IRAG1: variants seen among roughly 807,000 people sequenced by gnomAD.
IRAG1 encodes the protein inositol 1,4,5-triphosphate receptor associated 1, also known as IP3R-associated cGMP kinase substrate.
In IRAG1, 62 loss-of-function variants were observed where a neutral mutation model predicts 106.2. The observed-to-expected ratio is 0.58, with a 90% confidence interval of 0.48 to 0.72. IRAG1 has a LOEUF of 0.72. Among genes scored for constraint, IRAG1 ranks in the 30% least tolerant of loss-of-function variants. IRAG1 has a pLI of 0.00. For missense variants in IRAG1, 1,064 were observed against 1,140.7 expected (o/e 0.93, Z 0.97); for synonymous variants, 462 against 443.9 (o/e 1.04, Z -0.51).
chr11:10,627,054 TG>T (rs1336704595), intron 8 of IRAG1, among the ~76,000 whole-genome samples: 5 of 152,188 alleles, frequency 3.3e-5, no homozygotes, highest in African/African-American at 1.2e-4. Flanking sequence ...GATCATTGGA[TG>T]GGGTGATTCT....
intron 1 of IRAG1, chr11:10,687,878 G>A (rs531088327): frequency 2.8e-5 from 29 of 1,035,666 alleles, no homozygotes; most frequent in Non-Finnish European, 3.6e-5. Flanking sequence ...CTTTTTTTTG[G>A]GGGGGGGTGG....
chr11:10,629,514 C>T (rs1451472371), intron 5 of IRAG1, 24 bp downstream of exon 5: 2 of 1,606,060 alleles, frequency 1.2e-6, no homozygotes, highest in African/African-American at 1.3e-5. Context: ...TCAGGGCAGC[C>T]ACCTGTACAT....
intron 15 of IRAG1, among the ~76,000 whole-genome samples, chr11:10,596,418 T>C (rs546058392): frequency 1.3e-5 from 2 of 152,368 alleles, no homozygotes; most frequent in South Asian, 4.1e-4. Flanking sequence ...GTAAGTAATC[T>C]TCTCTTTGAT....
At chr11:10,676,337 G>T (rs1860666972) in intron 1 of IRAG1, among the ~76,000 whole-genome samples, 1 of 152,178 alleles carries the variant, frequency 6.6e-6, no homozygotes, top group Non-Finnish European at 1.5e-5. Flanking sequence ...TCAGTGCTTT[G>T]GGGGGCAGCT....
intron 1 of IRAG1, among the ~76,000 whole-genome samples, chr11:10,680,512 AAAGAAAGG>A (rs71034779): frequency 1.1e-4 from 14 of 131,800 alleles, no homozygotes; most frequent in South Asian, 4.9e-4. Flanking sequence ...AGAAAGGGAA[AAAGAAAGG>A]AAGAAAGGAA....
chr11:10,586,742 C>T lies in IRAG1; in HGVS notation c.2241-4756G>A, dbSNP rs139847578. Among the ~76,000 whole-genome samples, 30 of 152,220 alleles carry T rather than the reference C, an allele frequency of 2.0e-4. No individual in the cohort carries two copies. The South Asian group carries it at 4.6e-3, about 23-fold the overall frequency. On this transcript the variant is annotated intron_variant, in intron 18 of 20. Coordinates refer to ENST00000423302, the MANE Select transcript of IRAG1 (RefSeq NM_130385.4). Reference sequence around the variant, plus strand: ...CCTCTCTCTCCCTTTATGCTGCCACCGCACCTCTGTGACAGCATGACTCAC... The same window carrying T: ...CCTCTCTCTCCCTTTATGCTGCCACTGCACCTCTGTGACAGCATGACTCAC...
chr11:10,661,808 C>T (rs1233543084), intron 1 of IRAG1, among the ~76,000 whole-genome samples: 1 of 152,158 alleles, frequency 6.6e-6, no homozygotes. Flanking sequence ...TGCAAAGGCC[C>T]TTTTGCCATT....
intron 10 of IRAG1, among the ~76,000 whole-genome samples, chr11:10,612,065 C>T (rs1430906296): frequency 6.6e-6 from 1 of 152,180 alleles, no homozygotes; most frequent in East Asian, 1.9e-4. Flanking sequence ...AAACACGTCC[C>T]TCTGAAGGAG....
chr11:10,690,262 C>T (rs1861959376), intron 1 of IRAG1: 1 of 484,312 alleles, frequency 2.1e-6, no homozygotes, highest in Non-Finnish European at 3.4e-6. Flanking sequence ...TGGTGGTACT[C>T]ACCTGTAATC....
At chr11:10,603,637 C>A (rs536979497) in intron 13 of IRAG1, among the ~76,000 whole-genome samples, 36 of 152,186 alleles carry the variant, frequency 2.4e-4, no homozygotes, top group African/African-American at 8.2e-4. Flanking sequence ...GACCACTGGG[C>A]TAAATGTCTG....
rs777258611 is a variant in IRAG1, at chr11:10,574,512, C to T, written c.*1820G>A. On this transcript the variant is annotated 3_prime_UTR_variant, in exon 21 of 21. Coordinates refer to ENST00000423302, the MANE Select transcript of IRAG1 (RefSeq NM_130385.4). ...AGGTCAATAATAATAATGTTTAAAA[C>T]GTGCCAGAAAGCACAGAGGAGTGTG... The T allele has an allele frequency of 1.4e-4, 21 of 152,146 alleles. No homozygotes were observed. The highest frequency in any genetic ancestry group is 4.6e-4 in the African/African-American group (19 of 41,488). 9.4% of individuals were successfully genotyped at this position (152,146 alleles called of 1,614,324 possible).
chr11:10,681,186 A>AG (rs1210363185), intron 1 of IRAG1, among the ~76,000 whole-genome samples: 1 of 152,152 alleles, frequency 6.6e-6, no homozygotes, highest in Non-Finnish European at 1.5e-5. Flanking sequence ...CTACTCCTGT[A>AG]GGGCATACTC....
chr11:10,639,008 G>T (rs752840646), intron 2 of IRAG1, among the ~76,000 whole-genome samples: 16 of 152,116 alleles, frequency 1.1e-4, no homozygotes, highest in African/African-American at 3.6e-4. Flanking sequence ...TGCAACCTCC[G>T]CCTCCCGGTC....
chr11:10,597,468 G>T (rs561253060), intron 15 of IRAG1, among the ~76,000 whole-genome samples: 1 of 152,234 alleles, frequency 6.6e-6, no homozygotes, highest in African/African-American at 2.4e-5. Flanking sequence ...TAGAACTACA[G>T]GTGCCCACCA....
intron 13 of IRAG1, among the ~76,000 whole-genome samples, 195 bp downstream of exon 13, chr11:10,604,210 C>T (rs1361654980): frequency 1.3e-5 from 2 of 152,258 alleles, no homozygotes; most frequent in Non-Finnish European, 2.9e-5. Context: ...GACCTGTCCA[C>T]AGCCCTGAGG....
chr11:10,612,698 A>C (rs947945325), intron 10 of IRAG1, among the ~76,000 whole-genome samples: 1 of 152,220 alleles, frequency 6.6e-6, no homozygotes, highest in Non-Finnish European at 1.5e-5. Flanking sequence ...TGCAAGAGAC[A>C]GATGTCAGGA....
At position 10,657,812 on chromosome 11, in the gene IRAG1, A is replaced by T. The variant is rs1167658365; in HGVS notation, c.68-5630T>A. On this transcript the variant is annotated intron_variant, in intron 1 of 20. Transcript: ENST00000423302. This position sits in a 1 kb window ranked among gnomAD's most constrained non-coding sequence, Gnocchi z 4.1. The stretch of plus-strand genomic sequence containing the variant: ...CAGAGGGTGATGGAGGGACACTGAG[A>T]ACTCACCAGTCTTACCCCTGCACCC... Among the ~76,000 whole-genome samples, 1 of 152,070 alleles carries T rather than the reference A, an allele frequency of 6.6e-6. No homozygotes were observed. Among genetic ancestry groups the T allele is most frequent in the African/African-American group, 2.4e-5 (1 of 41,400 alleles).
In IRAG1 at chr11:10,614,332, T is replaced by C. The variant is rs1855219174; in HGVS notation, c.1448-4481A>G. Among the ~76,000 whole-genome samples the C allele has an allele frequency of 2.0e-5, 3 of 152,196 alleles. No individual in the cohort carries two copies. In the South Asian group the frequency reaches 6.2e-4, roughly 31 times the overall value. On this transcript the variant is annotated intron_variant, in intron 10 of 20. Transcript: ENST00000423302. The stretch of plus-strand genomic sequence containing the variant: ...TAAAACAAATGCCAGGTCCAAAGTT[T>C]AGATTAAATTTAAAACCTATAATGC...
intron 15 of IRAG1, among the ~76,000 whole-genome samples, chr11:10,594,844 G>T (rs1411254566): frequency 1.3e-5 from 2 of 152,100 alleles, no homozygotes; most frequent in African/African-American, 4.8e-5. Flanking sequence ...ATATCATTTA[G>T]CCTGCATATC....
Sources: gnomAD v4.1 joint callset for allele counts (sites outside exome capture counted in the v4.1 genomes callset) on GRCh38, gnomAD v4.1.1 for gene constraint, Gnocchi (gnomAD v3.1) non-coding constraint, MANE v1.5 for transcripts, NCBI Gene and HGNC (gene_info 2026-07-23, HGNC 2026-07-21) for gene names.